Variants in GABRG3 observed in about 807,000 individuals in gnomAD.
GABRG3 encodes the protein gamma-aminobutyric acid type A receptor subunit gamma3.
Under a neutral mutation model 48.8 loss-of-function variants are expected in GABRG3, and 25 were observed. The observed-to-expected ratio is 0.51, with a 90% CI of 0.37 to 0.72. The LOEUF is 0.72. GABRG3 is among the 30% of genes least tolerant of loss of function. The pLI, the probability that GABRG3 is intolerant of heterozygous loss-of-function variation, is 0.00. For synonymous variants in GABRG3, 227 were observed against 217.6 expected, an observed-to-expected ratio of 1.04 and a Z score of -0.38; for missense variants, 394 against 577.9, an observed-to-expected ratio of 0.68 and a Z score of 3.26.
chr15:27,151,966 C>G (rs549655960), intron 3 of GABRG3, among the ~76,000 whole-genome samples: 2 of 152,272 alleles, frequency 1.3e-5, no homozygotes, highest in Non-Finnish European at 2.9e-5. Flanking sequence ...TGTTGACATC[C>G]TCTTAGCAAA....
At chr15:27,300,492 C>T (rs1892160126) in intron 3 of GABRG3, among the ~76,000 whole-genome samples, 6 of 100,528 alleles carry the variant, frequency 6.0e-5, no homozygotes, top group Admixed American at 5.4e-4. Context: ...GGTGAAACCC[C>T]ATCTCTACTA....
intron 3 of GABRG3, among the ~76,000 whole-genome samples, chr15:27,301,968 G>A (rs916888411): frequency 5.3e-5 from 8 of 151,966 alleles, no homozygotes; most frequent in Non-Finnish European, 1.0e-4. Context: ...CATTCAGTAA[G>A]AATATCCTTC....
At chr15:27,139,062 A>G (rs1898058756) in intron 3 of GABRG3, among the ~76,000 whole-genome samples, 1 of 152,100 alleles carries the variant, frequency 6.6e-6, no homozygotes, top group Non-Finnish European at 1.5e-5. Context: ...TGAGAACTGG[A>G]CAGACAGACA....
intron 5 of GABRG3, among the ~76,000 whole-genome samples, chr15:27,451,167 T>A (rs1158123263): frequency 6.6e-6 from 1 of 152,136 alleles, no homozygotes; most frequent in Admixed American, 6.5e-5. Context: ...GATATATTTC[T>A]CAGAAATAGA....
At chr15:27,200,636 G>A (rs1332511800) in intron 3 of GABRG3, among the ~76,000 whole-genome samples, 1 of 152,140 alleles carries the variant, frequency 6.6e-6, no homozygotes, top group Non-Finnish European at 1.5e-5. Context: ...TTCTGTAAGG[G>A]GCTAGATAAT....
intron 3 of GABRG3, among the ~76,000 whole-genome samples, chr15:27,294,556 C>A (rs550347360): frequency 6.6e-6 from 1 of 152,118 alleles, no homozygotes; most frequent in Non-Finnish European, 1.5e-5. Context: ...AATGTCATTT[C>A]TTGCTCATTT....
At chr15:27,045,827 C>T (rs1896353308) in intron 3 of GABRG3, among the ~76,000 whole-genome samples, 2 of 152,184 alleles carry the variant, frequency 1.3e-5, no homozygotes, top group African/African-American at 4.8e-5. Context: ...CCGGAGGCAG[C>T]GTGGGCTCTG....
chr15:27,491,105 G>A (rs1229956871), intron 6 of GABRG3, among the ~76,000 whole-genome samples: 1 of 152,174 alleles, frequency 6.6e-6, no homozygotes, highest in African/African-American at 2.4e-5. Flanking sequence ...CCTTGGCAGG[G>A]GTGCTCTCAT....
At chr15:27,290,714 C>G (rs929961831) in intron 3 of GABRG3, among the ~76,000 whole-genome samples, 1 of 152,060 alleles carries the variant, frequency 6.6e-6, no homozygotes, top group Non-Finnish European at 1.5e-5. Flanking sequence ...CCAAGAGGAG[C>G]CTAAGGGGGA....
intron 5 of GABRG3, among the ~76,000 whole-genome samples, chr15:27,337,423 T>A (rs1030475960): frequency 6.6e-6 from 1 of 152,232 alleles, no homozygotes; most frequent in African/African-American, 2.4e-5. Context: ...AAATTATCAA[T>A]GAACTATTTT....
Position 26,976,945 on chromosome 15 carries a change from C to G in GABRG3, c.54-57C>G. 6.3e-7 allele frequency: 1 copy of G among 1,595,042 alleles called. No individual in the cohort carries two copies. The highest frequency in any genetic ancestry group is 1.1e-5 in the South Asian group (1 of 90,070). On this transcript the variant is annotated intron_variant, in intron 1 of 9. Transcript: ENST00000615808. The surrounding 1 kb of genome is among the most constrained non-coding windows in gnomAD (Gnocchi z 7.8). ...GGTACTTGGATAGGACAAACTTAGG[C>G]TCTTCCTAGAGCCATTGCTGCCACT... is the stretch of plus-strand genomic sequence containing the variant.
At position 27,146,957 on chromosome 15, in the gene GABRG3, A is replaced by G. The variant is rs186884652; in HGVS notation, c.270+120136A>G. 3.4e-4 allele frequency among the ~76,000 whole-genome samples: 51 copies of G among 152,190 alleles called. No individual in the cohort carries two copies. In the East Asian group the frequency reaches 6.8e-3, roughly 20 times the overall value. ...CTTATTCATAATTACATTAAATGTAAATAGTTTAAATATTGCAGTCAAAAG... is the reference window on the plus strand; with the variant it reads ...CTTATTCATAATTACATTAAATGTAGATAGTTTAAATATTGCAGTCAAAAG... On this transcript the variant is annotated intron_variant, in intron 3 of 9. Transcript: ENST00000615808.
chr15:27,277,143 A>T (rs1891282808), intron 3 of GABRG3, among the ~76,000 whole-genome samples: 1 of 152,224 alleles, frequency 6.6e-6, no homozygotes, highest in Non-Finnish European at 1.5e-5. Flanking sequence ...GTTGGTGATG[A>T]GGGCAGGTCC....
At chr15:27,284,916 A>C (rs1431086565) in intron 3 of GABRG3, among the ~76,000 whole-genome samples, 1 of 152,228 alleles carries the variant, frequency 6.6e-6, no homozygotes, top group Non-Finnish European at 1.5e-5. Flanking sequence ...GGTGAGAAAC[A>C]GGAAAGAAAC....
Position 27,179,217 on chromosome 15 carries a change from C to T in GABRG3, c.271-147592C>T, listed in dbSNP as rs1887843942. Among the ~76,000 whole-genome samples the T allele has an allele frequency of 1.3e-5, 2 of 152,176 alleles. No homozygotes were observed. Among genetic ancestry groups the T allele is most frequent in the Admixed American group, 6.5e-5 (1 of 15,284 alleles). Reference sequence around the variant, plus strand: ...GCCTGTATCAGAAATATTGCTTACTCCTATCATCAATGCATTGCCGTGATT... The same window carrying T: ...GCCTGTATCAGAAATATTGCTTACTTCTATCATCAATGCATTGCCGTGATT... On this transcript the variant is annotated intron_variant, in intron 3 of 9. Transcript: ENST00000615808. This position sits in a 1 kb window ranked among gnomAD's most constrained non-coding sequence, Gnocchi z 4.0.
intron 5 of GABRG3, among the ~76,000 whole-genome samples, chr15:27,461,448 C>A (rs545518962): frequency 6.6e-6 from 1 of 152,268 alleles, no homozygotes; most frequent in South Asian, 2.1e-4. Context: ...CTCGGACCCT[C>A]GGGTGAGTGT....
Position 27,180,203 on chromosome 15 carries a change from T to C in GABRG3, c.271-146606T>C, listed in dbSNP as rs138391259. ...CTGCCCATAATGAACACACACTTTT[T>C]CTGAAGGACCTTAGCACGGTCTAAA... On this transcript the variant is annotated intron_variant, in intron 3 of 9. Transcript: ENST00000615808. The surrounding 1 kb of genome is among the most constrained non-coding windows in gnomAD (Gnocchi z 4.2). Among the ~76,000 whole-genome samples the C allele has an allele frequency of 1.3e-3, 204 of 152,238 alleles. No homozygotes were observed. Among genetic ancestry groups the C allele is most frequent in the African/African-American group, 4.9e-3 (202 of 41,526 alleles).
intron 6 of GABRG3, among the ~76,000 whole-genome samples, chr15:27,517,085 C>T (rs570953058): frequency 5.9e-5 from 9 of 151,636 alleles, no homozygotes; most frequent in Non-Finnish European, 1.3e-4. Context: ...TCGTGCCCAC[C>T]TCCATGCATG....
chr15:27,286,011 T>C (rs1891599645), intron 3 of GABRG3, among the ~76,000 whole-genome samples: 1 of 152,236 alleles, frequency 6.6e-6, no homozygotes, highest in Non-Finnish European at 1.5e-5. Flanking sequence ...GGTTGGGATC[T>C]TACTTAGAAA....
Sources: allele counts gnomAD v4.1 joint callset (sites outside exome capture counted in the v4.1 genomes callset), GRCh38; gene constraint gnomAD v4.1.1; non-coding constraint Gnocchi (gnomAD v3.1); transcripts MANE v1.5; gene names NCBI Gene and HGNC (gene_info 2026-07-23, HGNC 2026-07-21).